Variants in CLVS1 observed in about 807,000 individuals in gnomAD.
The protein encoded by CLVS1 is clavesin 1.
In CLVS1, 10 loss-of-function variants were observed where a neutral mutation model predicts 33.1. The ratio of observed to expected loss-of-function variants is 0.30; its 90% CI spans 0.19 to 0.51. CLVS1 has a LOEUF of 0.51. Ranked by LOEUF, CLVS1 falls within the 20% of genes least tolerant of loss-of-function variation. The pLI, the probability that CLVS1 is intolerant of heterozygous loss-of-function variation, is 0.97. For synonymous variants in CLVS1, 163 were observed against 166.1 expected (o/e 0.98, Z 0.14); for missense variants, 343 against 433.4 (o/e 0.79, Z 1.85).
intron 4 of CLVS1, 50 bp from the exon 5 acceptor site, chr8:61,458,257 T>C: frequency 2.3e-6 from 3 of 1,326,986 alleles, no homozygotes; most frequent in Non-Finnish European, 3.2e-6. Flanking sequence ...AAATCTTTGG[T>C]CGTATGTTTT....
the CLVS1 span, among the ~76,000 whole-genome samples, chr8:61,018,897 T>C: frequency 6.6e-6 from 1 of 152,276 alleles, no homozygotes; most frequent in Non-Finnish European, 1.5e-5. Context: ...AATTTTGCTC[T>C]GAATTCAGAG....
chr8:61,156,425 T>C (rs1806650815), intron 2 of CLVS1, among the ~76,000 whole-genome samples: 2 of 152,008 alleles, frequency 1.3e-5, no homozygotes, highest in Admixed American at 6.6e-5. Flanking sequence ...TTTGTATACC[T>C]TTTTTTTCTA....
At chr8:61,116,535 A>G (rs1402888146) in intron 1 of CLVS1, among the ~76,000 whole-genome samples, 1 of 152,178 alleles carries the variant, frequency 6.6e-6, no homozygotes, top group Non-Finnish European at 1.5e-5. Context: ...TCCATCTTGA[A>G]TTGATTTTTG....
chr8:61,482,472 A>G (rs2129608249), intron 5 of CLVS1, among the ~76,000 whole-genome samples: 2 of 149,948 alleles, frequency 1.3e-5, no homozygotes, highest in Middle Eastern at 6.9e-3. Context: ...AGATTAGACG[A>G]ATGGCTAACT....
At chr8:61,007,806 C>G in the CLVS1 span, among the ~76,000 whole-genome samples, 1 of 152,180 alleles carries the variant, frequency 6.6e-6, no homozygotes, top group Non-Finnish European at 1.5e-5. Flanking sequence ...CGCACCGCCC[C>G]TGGGTACAGA....
chr8:61,007,996 A>C, the CLVS1 span, among the ~76,000 whole-genome samples: 2 of 152,218 alleles, frequency 1.3e-5, no homozygotes, highest in Non-Finnish European at 2.9e-5. Context: ...GCAGGATTCC[A>C]AGCACAGGGA....
At chr8:61,348,607 T>C (rs1353854489) in intron 2 of CLVS1, among the ~76,000 whole-genome samples, 1 of 152,166 alleles carries the variant, frequency 6.6e-6, no homozygotes, top group African/African-American at 2.4e-5. Flanking sequence ...CTCATTTTCT[T>C]TATCAGTTTA....
chr8:61,468,127 G>A (rs1374231980), intron 5 of CLVS1, among the ~76,000 whole-genome samples: 2 of 151,990 alleles, frequency 1.3e-5, no homozygotes, highest in African/African-American at 4.8e-5. Context: ...AAGTTTTATG[G>A]AATATTAACA....
intron 1 of CLVS1, among the ~76,000 whole-genome samples, chr8:61,092,353 A>ACTCT (rs1163814336): frequency 6.6e-6 from 1 of 152,108 alleles, no homozygotes; most frequent in East Asian, 1.9e-4. Flanking sequence ...CAACAGCAGG[A>ACTCT]CTCTGCTTCC....
rs139180669 is a variant in CLVS1, at chr8:61,276,490, T to C, written c.-151-23187T>C. On this transcript the variant is annotated intron_variant, in intron 2 of 2. Coordinates refer to the CLVS1 transcript ENST00000522621. ...ACTTCTGGCAACATTCTCTTGTTTG[T>C]TTTTAGATCTTAATTAAACTAGACT... 3.8e-4 allele frequency among the ~76,000 whole-genome samples: 58 copies of C among 152,330 alleles called. No homozygotes were observed. The South Asian group carries it at 4.1e-3, about 11-fold the overall frequency.
At chr8:61,458,898 T>C (rs1254380068) in intron 5 of CLVS1, among the ~76,000 whole-genome samples, 1 of 152,226 alleles carries the variant, frequency 6.6e-6, no homozygotes, top group East Asian at 1.9e-4. Flanking sequence ...CTATCATTCA[T>C]TTATTTGGAA....
intron 2 of CLVS1, among the ~76,000 whole-genome samples, chr8:61,190,933 T>C (rs1008755025): frequency 6.6e-6 from 1 of 152,170 alleles, no homozygotes; most frequent in Admixed American, 6.6e-5. Context: ...ACAGCTGAAT[T>C]CTACCAGAGG....
intron 1 of CLVS1, among the ~76,000 whole-genome samples, chr8:61,120,595 A>C (rs1307041932): frequency 1.8e-5 from 2 of 113,618 alleles, no homozygotes; most frequent in African/African-American, 8.3e-5. Flanking sequence ...TCTAACAGAC[A>C]GGACCCTCAG....
intron 2 of CLVS1, among the ~76,000 whole-genome samples, chr8:61,318,605 C>T (rs28525523): frequency 0.054 from 8,250 of 152,158 alleles, 701 homozygotes; most frequent in African/African-American, 0.18. Context: ...TGTCTGTTGC[C>T]AGAACTTCTC....
chr8:61,059,397 G>A (rs1804536203), intron 1 of CLVS1, among the ~76,000 whole-genome samples: 3 of 146,996 alleles, frequency 2.0e-5, no homozygotes, highest in Non-Finnish European at 3.0e-5. Context: ...ATTCCTGAGT[G>A]TTGAGTGTTC....
intron 2 of CLVS1, among the ~76,000 whole-genome samples, chr8:61,372,241 G>A (rs1813472775): frequency 6.6e-6 from 1 of 152,110 alleles, no homozygotes; most frequent in Admixed American, 6.5e-5. Context: ...AAATGATTTG[G>A]TAGAATGAAG....
chr8:61,465,606 T>C (rs1400996081), intron 5 of CLVS1: 1 of 152,210 alleles, frequency 6.6e-6, no homozygotes, highest in Non-Finnish European at 1.5e-5. Flanking sequence ...TTCTCTGCTC[T>C]GGTACTAAAT....
chr8:61,067,242 A>G (rs1267084195), intron 1 of CLVS1, among the ~76,000 whole-genome samples: 4 of 152,114 alleles, frequency 2.6e-5, no homozygotes, highest in African/African-American at 9.7e-5. Flanking sequence ...TGTTAATTCC[A>G]TAATGGCAGA....
At chr8:61,108,309 A>G (rs1209172462) in intron 1 of CLVS1, among the ~76,000 whole-genome samples, 1 of 152,060 alleles carries the variant, frequency 6.6e-6, no homozygotes, top group Non-Finnish European at 1.5e-5. Flanking sequence ...AGTTGCAAAT[A>G]TATGGTAACA....
Sources: gnomAD v4.1 joint callset for allele counts (sites outside exome capture counted in the v4.1 genomes callset) on GRCh38, gnomAD v4.1.1 for gene constraint, MANE v1.5 for transcripts, NCBI Gene and HGNC (gene_info 2026-07-23, HGNC 2026-07-21) for gene names.